The following NLGN4X variants were observed in gnomAD, a reference collection of about 807,000 sequenced individuals.
NLGN4X encodes the protein neuroligin 4 X-linked, also known as neuroligin-4, X-linked.
Under a neutral mutation model 40.3 loss-of-function variants are expected in NLGN4X, and 3 were observed. The observed-to-expected ratio is 0.07, with a 90% CI of 0.03 to 0.19. The LOEUF (loss-of-function observed/expected upper bound fraction) is 0.19, where lower values mean the gene tolerates loss of function less well. NLGN4X is among the 10% of genes least tolerant of loss of function. NLGN4X has a pLI of 1.00. For missense variants in NLGN4X, 382 were observed against 708.3 expected (o/e 0.54, Z 5.23); for synonymous variants, 270 against 306.8 (o/e 0.88, Z 1.25).
intron 2 of NLGN4X, among the ~76,000 whole-genome samples, chrX:6,124,703 A>T (rs2039503586): frequency 9.0e-6 from 1 of 111,462 alleles, no homozygotes; most frequent in Non-Finnish European, 1.9e-5. Flanking sequence ...ACCAAAACAA[A>T]TAAGATATAG....
intron 3 of NLGN4X, among the ~76,000 whole-genome samples, chrX:6,023,950 G>A (rs1449891438): frequency 3.6e-5 from 4 of 111,409 alleles, no homozygotes; most frequent in Non-Finnish European, 7.5e-5. Context: ...TGAGCAAGAT[G>A]CATTCTCTTT....
intron 2 of NLGN4X, among the ~76,000 whole-genome samples, chrX:6,099,566 A>G (rs1309451997): frequency 8.9e-6 from 1 of 112,263 alleles, no homozygotes; most frequent in African/African-American, 3.2e-5. Flanking sequence ...AATGGATAAA[A>G]AAGTATCTAC....
At chrX:6,224,745 C>A (rs1457069739) in intron 1 of NLGN4X, among the ~76,000 whole-genome samples, 4 of 108,471 alleles carry the variant, frequency 3.7e-5, no homozygotes, top group Non-Finnish European at 7.6e-5. Context: ...TTAAATAAAA[C>A]GCAAAGAAAA....
chrX:6,205,838 G>A (rs200746737), intron 1 of NLGN4X, among the ~76,000 whole-genome samples: 1 of 112,040 alleles, frequency 8.9e-6, no homozygotes, highest in East Asian at 2.8e-4. Context: ...TTGTGAATGG[G>A]TTTTAAATTA....
At chrX:6,000,043 T>C (rs975238231) in intron 3 of NLGN4X, among the ~76,000 whole-genome samples, 1 of 112,323 alleles carries the variant, frequency 8.9e-6, no homozygotes, top group Admixed American at 9.4e-5. Flanking sequence ...GACATTAATA[T>C]GGGCCATCCC....
intron 3 of NLGN4X, among the ~76,000 whole-genome samples, chrX:5,976,985 T>C (rs889934904): frequency 8.9e-6 from 1 of 112,257 alleles, no homozygotes; most frequent in African/African-American, 3.2e-5. Context: ...ATGAGGAATA[T>C]TGGTAAAGGA....
chrX:6,003,720 A>C (rs192128696), intron 3 of NLGN4X, among the ~76,000 whole-genome samples: 263 of 110,676 alleles, frequency 2.4e-3, no homozygotes, highest in African/African-American at 8.1e-3. Flanking sequence ...CCTCAGGACA[A>C]AAACTTGCGT....
In NLGN4X at chrX:5,978,266, CTCTTTTTTTCTTTCTTTCTTTCTT is replaced by C. The variant is rs1474201239; in HGVS notation, c.625+50990_625+51013del. Among the ~76,000 whole-genome samples the C allele has an allele frequency of 7.0e-3, 725 of 104,021 alleles. 13 individuals carry two copies. Among genetic ancestry groups the C allele is most frequent in the African/African-American group, 0.026 (691 of 26,813 alleles). 90.3% of individuals were successfully genotyped at this position (104,021 alleles called of 115,157 possible). A position where few individuals can be genotyped will look rare whatever the true frequency, so the allele number is the denominator to read the frequency against. On this transcript the variant is annotated intron_variant, in intron 3 of 5. Transcript: ENST00000381095. Reference sequence around the variant, plus strand: ...CAACTGGAATTAAAAAGACAGGCGTCTCTTTTTTTCTTTCTTTCTTTCTTTCTTTCTTTCTTTCTTTCTTTCTTT... The same window carrying C: ...CAACTGGAATTAAAAAGACAGGCGTCTCTTTCTTTCTTTCTTTCTTTCTTT...
chrX:5,938,933 C>T (rs1473174584), intron 3 of NLGN4X, among the ~76,000 whole-genome samples: 3 of 108,047 alleles, frequency 2.8e-5, no homozygotes, highest in Non-Finnish European at 5.7e-5. Context: ...ATCTGAGCTA[C>T]AGAGATTATG....
At chrX:5,930,414 C>T (rs927230222) in intron 3 of NLGN4X, among the ~76,000 whole-genome samples, 1 of 111,799 alleles carries the variant, frequency 8.9e-6, no homozygotes, top group African/African-American at 3.3e-5. Flanking sequence ...CACACCCTCC[C>T]CTAAAGCAAC....
chrX:6,225,696 T>C (rs1926197713), intron 1 of NLGN4X, among the ~76,000 whole-genome samples: 3 of 49,790 alleles, frequency 6.0e-5, no homozygotes, highest in African/African-American at 2.0e-4. Context: ...TTTCTTTTTT[T>C]TTTTTTTTTT....
chrX:5,932,330 T>C (rs1055581520), intron 3 of NLGN4X, among the ~76,000 whole-genome samples: 3 of 111,782 alleles, frequency 2.7e-5, no homozygotes, highest in African/African-American at 9.7e-5. Context: ...TCCCATCACA[T>C]GCGTAATTAC....
Position 6,029,899 on chromosome X carries a change from T to G in NLGN4X, c.473-467A>C, listed in dbSNP as rs777559223. On this transcript the variant is annotated intron_variant, in intron 2 of 5. Transcript: ENST00000381095. ...TCGCAGGTGAGTGTACAGATTCATC[T>G]TCAATTTAACAATAAAAACATAAAA... Among the ~76,000 whole-genome samples the G allele has an allele frequency of 5.4e-5, 6 of 111,571 alleles. No individual in the cohort carries two copies. In the South Asian group the frequency reaches 2.3e-3, roughly 42 times the overall value.
At chrX:6,173,660 T>C (rs2040657334) in intron 1 of NLGN4X, among the ~76,000 whole-genome samples, 1 of 112,380 alleles carries the variant, frequency 8.9e-6, no homozygotes, top group South Asian at 3.7e-4. Flanking sequence ...CTCAGTCCAT[T>C]AGCTTTAGAT....
intron 5 of NLGN4X, among the ~76,000 whole-genome samples, chrX:5,896,744 A>G (rs1216285258): frequency 4.5e-5 from 5 of 112,161 alleles, no homozygotes; most frequent in Non-Finnish European, 9.4e-5. Context: ...TTTAAGTAGT[A>G]CAGGTTTTCC....
At chrX:5,996,469 G>C (rs2035820079) in intron 3 of NLGN4X, among the ~76,000 whole-genome samples, 1 of 111,090 alleles carries the variant, frequency 9.0e-6, no homozygotes, top group Non-Finnish European at 1.9e-5. Context: ...GAGGCTGTGG[G>C]ATAATGAACA....
At chrX:6,202,424 G>A (rs938323001) in intron 1 of NLGN4X, among the ~76,000 whole-genome samples, 3 of 103,779 alleles carry the variant, frequency 2.9e-5, no homozygotes, top group Non-Finnish European at 3.9e-5. Flanking sequence ...TGCAGCCTCC[G>A]CCTCCCAGGC....
chrX:5,943,926 A>C (rs959802864), intron 3 of NLGN4X, among the ~76,000 whole-genome samples: 4 of 112,215 alleles, frequency 3.6e-5, no homozygotes, highest in African/African-American at 1.3e-4. Flanking sequence ...AAAGTTTATA[A>C]ATGCATGATT....
chrX:5,900,342 G>A (rs1016025180), intron 5 of NLGN4X, among the ~76,000 whole-genome samples: 6 of 110,687 alleles, frequency 5.4e-5, no homozygotes, highest in South Asian at 3.9e-4. Flanking sequence ...CAGGGAGGCC[G>A]TAAGATGACA....
Sources: allele counts gnomAD v4.1 joint callset (sites outside exome capture counted in the v4.1 genomes callset), GRCh38; gene constraint gnomAD v4.1.1; transcripts MANE v1.5; gene names NCBI Gene and HGNC (gene_info 2026-07-23, HGNC 2026-07-21).